SECISBP2L: variants seen among roughly 807,000 people sequenced by gnomAD.
The protein encoded by SECISBP2L is selenocysteine insertion sequence-binding protein 2-like.
A neutral mutation model predicts 114.7 loss-of-function variants in SECISBP2L; 43 were observed. The ratio of observed to expected loss-of-function variants is 0.38; its 90% CI spans 0.29 to 0.48. SECISBP2L has a LOEUF of 0.48. SECISBP2L is among the 20% of genes least tolerant of loss of function. SECISBP2L has a pLI of 0.98. For synonymous variants in SECISBP2L, 451 were observed against 439.7 expected (o/e 1.03, Z -0.32); for missense variants, 1,136 against 1,301.1 (o/e 0.87, Z 1.95).
intron 7 of SECISBP2L, among the ~76,000 whole-genome samples, chr15:49,020,910 C>A: frequency 6.6e-6 from 1 of 151,840 alleles, no homozygotes; most frequent in Admixed American, 6.6e-5. Flanking sequence ...ATCTTGTTTC[C>A]AAGATTTAAG....
At chr15:49,022,143 G>A (rs1405075975) in intron 7 of SECISBP2L, among the ~76,000 whole-genome samples, 1 of 151,958 alleles carries the variant, frequency 6.6e-6, no homozygotes, top group Non-Finnish European at 1.5e-5. Context: ...ACTGAGACAG[G>A]GTCTCATTCT....
intron 5 of SECISBP2L, 61 bp downstream of exon 5, chr15:49,028,392 G>T: frequency 6.8e-7 from 1 of 1,472,406 alleles, no homozygotes; most frequent in Non-Finnish European, 9.5e-7. Flanking sequence ...TTTAGCAGAG[G>T]ATGCAAAATA....
chr15:48,995,664 G>T (rs1275893861), intron 17 of SECISBP2L, among the ~76,000 whole-genome samples: 1 of 152,066 alleles, frequency 6.6e-6, no homozygotes, highest in African/African-American at 2.4e-5. Flanking sequence ...ACTAAACCAA[G>T]AAAGAGAACT....
Position 48,992,533 on chromosome 15 carries a change from G to C in SECISBP2L, c.3017C>G (p.Pro1006Arg). ...ATTGAGCTGCACTTCTACAGATATGGGTTCATGAGTATAATCTTCCTCCTC... is the reference window on the plus strand; with the variant it reads ...ATTGAGCTGCACTTCTACAGATATGCGTTCATGAGTATAATCTTCCTCCTC... ...EEEEEDYTHE[P>R]ISVEVQLNSR... is the part of the protein sequence containing the mutation. The change falls in exon 18 of 18, where the codon CCC becomes CGC. Residue 1006 changes from proline to arginine, a missense_variant. Physicochemically the swap from Pro to Arg is moderately radical, Grantham distance 103. Transcript: ENST00000559471. 1 of 1,614,158 alleles carries C rather than the reference G, an allele frequency of 6.2e-7. No homozygotes were observed. The highest frequency in any genetic ancestry group is 8.5e-7 in the Non-Finnish European group (1 of 1,180,028).
intron 14 of SECISBP2L, 107 bp downstream of exon 14, chr15:49,009,109 T>C: frequency 8.3e-7 from 1 of 1,202,088 alleles, no homozygotes; most frequent in Non-Finnish European, 1.2e-6. Context: ...TAAAGATCTC[T>C]GGTCTTTTGT....
intron 3 of SECISBP2L, 52 bp downstream of exon 3, chr15:49,035,282 T>G: frequency 6.6e-7 from 1 of 1,523,634 alleles, no homozygotes; most frequent in Non-Finnish European, 8.9e-7. Flanking sequence ...AAATTGCTTA[T>G]ACTAATATAA....
intron 14 of SECISBP2L, among the ~76,000 whole-genome samples, chr15:49,002,886 T>C (rs1246458580): frequency 6.6e-6 from 1 of 152,230 alleles, no homozygotes; most frequent in African/African-American, 2.4e-5. Flanking sequence ...GGTAGTGTAA[T>C]GCCTCCAGCT....
At chr15:49,002,834 C>T (rs574548511) in intron 14 of SECISBP2L, among the ~76,000 whole-genome samples, 1 of 152,286 alleles carries the variant, frequency 6.6e-6, no homozygotes, top group Non-Finnish European at 1.5e-5. Context: ...GTACCAGTAC[C>T]ATGCTGTTTT....
chr15:49,012,350 A>G (rs1902452524), intron 12 of SECISBP2L, among the ~76,000 whole-genome samples: 1 of 152,226 alleles, frequency 6.6e-6, no homozygotes, highest in South Asian at 2.1e-4. Context: ...ACTGAAGTTA[A>G]TACTGAAATC....
At chr15:49,034,137 C>A (rs931733708) in intron 3 of SECISBP2L, among the ~76,000 whole-genome samples, 6 of 152,054 alleles carry the variant, frequency 3.9e-5, no homozygotes, top group African/African-American at 1.4e-4. Context: ...ATCTCTGCTG[C>A]TTGTATTTCA....
chr15:48,996,925 T>G (rs1048426343), intron 16 of SECISBP2L, among the ~76,000 whole-genome samples: 12 of 152,112 alleles, frequency 7.9e-5, no homozygotes, highest in African/African-American at 2.9e-4. Context: ...TCAACTCTAC[T>G]CTCAAGGAAC....
intron 12 of SECISBP2L, among the ~76,000 whole-genome samples, chr15:49,012,194 A>G (rs1860380789): frequency 6.6e-6 from 1 of 152,194 alleles, no homozygotes; most frequent in South Asian, 2.1e-4. Context: ...CATTTGATTG[A>G]CATTCTACAG....
In SECISBP2L at chr15:49,035,530, A is replaced by G; in HGVS notation, c.332T>C (p.Leu111Pro). The G allele has an allele frequency of 6.2e-7, 1 of 1,614,232 alleles. No homozygotes were observed. Among genetic ancestry groups the G allele is most frequent in the Non-Finnish European group, 8.5e-7 (1 of 1,180,032 alleles). ...AACCTGGGCACATGGTGCTGGCATC[A>G]GCTGATAATATGTATACTCTGTAGA... is the stretch of plus-strand genomic sequence containing the variant. ...PVSTEYTYYQ[L>P]MPAPCAQVMG... is the part of the protein sequence containing the mutation. Residue 111 changes from leucine (L) to proline (P), a missense_variant, in exon 3 of 18, where the codon CTG (leucine) becomes CCG (proline). Physicochemically the swap from Leu to Pro is moderately conservative, Grantham distance 98 (BLOSUM62 -3). This residue lies in a region of SECISBP2L where 452 missense variants were observed against 452.3 expected (regional missense o/e 1.00). Coordinates refer to ENST00000559471, the MANE Select transcript of SECISBP2L (RefSeq NM_001193489.2).
intron 17 of SECISBP2L, among the ~76,000 whole-genome samples, chr15:48,995,660 C>A (rs1401616146): frequency 6.6e-6 from 1 of 151,952 alleles, no homozygotes; most frequent in Non-Finnish European, 1.5e-5. Flanking sequence ...ATAAACTAAA[C>A]CAAGAAAGAG....
chr15:48,998,276 G>A (rs1902136072), intron 16 of SECISBP2L, among the ~76,000 whole-genome samples: 1 of 152,160 alleles, frequency 6.6e-6, no homozygotes, highest in African/African-American at 2.4e-5. Context: ...TAAAATAGCA[G>A]GTATAATATA....
intron 7 of SECISBP2L, among the ~76,000 whole-genome samples, chr15:49,020,550 C>A (rs1902621623): frequency 1.3e-5 from 2 of 152,166 alleles, no homozygotes; most frequent in African/African-American, 4.8e-5. Flanking sequence ...CTCTGTCACC[C>A]AGGCAGGAGT....
chr15:49,009,401 GA>G (rs1566855176), intron 13 of SECISBP2L, 23 bp from the exon 14 acceptor site: 1 of 1,591,420 alleles, frequency 6.3e-7, no homozygotes, highest in East Asian at 2.2e-5. Context: ...GGAGTGAAGG[GA>G]AAAAATTTAG....
intron 2 of SECISBP2L, among the ~76,000 whole-genome samples, chr15:49,037,131 G>T (rs544015544): frequency 6.6e-6 from 1 of 152,020 alleles, no homozygotes; most frequent in South Asian, 2.1e-4. Context: ...CTATAGCACA[G>T]ACATAAATTT....
intron 7 of SECISBP2L, among the ~76,000 whole-genome samples, chr15:49,026,215 C>G (rs956227847): frequency 1.3e-5 from 2 of 152,074 alleles, no homozygotes; most frequent in African/African-American, 4.8e-5. Flanking sequence ...TTACCAGAGG[C>G]TGGGAAGGGT....
Sources: allele counts gnomAD v4.1 joint callset (sites outside exome capture counted in the v4.1 genomes callset), GRCh38; gene constraint gnomAD v4.1.1; regional missense constraint gnomAD v4.1.1; transcripts MANE v1.5; gene names NCBI Gene and HGNC (gene_info 2026-07-23, HGNC 2026-07-21).